CCBE1: variants seen among roughly 807,000 people sequenced by gnomAD.
The protein encoded by CCBE1 is collagen and calcium-binding EGF domain-containing protein 1.
A neutral mutation model predicts 50.0 loss-of-function variants in CCBE1; 37 were observed. The ratio of observed to expected loss-of-function variants is 0.74; its 90% CI spans 0.57 to 0.97. CCBE1 has a LOEUF of 0.97. CCBE1 is among the 50% of genes least tolerant of loss of function. The pLI is 0.00. For synonymous variants in CCBE1, 234 were observed against 203.7 expected (o/e 1.15, Z -1.27); for missense variants, 538 against 523.8 (o/e 1.03, Z -0.26).
At chr18:59,530,924 A>G (rs1317791509) in intron 2 of CCBE1, among the ~76,000 whole-genome samples, 1 of 152,178 alleles carries the variant, frequency 6.6e-6, no homozygotes, top group East Asian at 1.9e-4. Flanking sequence ...TAAATTATTT[A>G]TGATGTTTTT....
intron 2 of CCBE1, among the ~76,000 whole-genome samples, chr18:59,502,381 C>T (rs900832711): frequency 2.0e-5 from 3 of 152,144 alleles, no homozygotes; most frequent in African/African-American, 4.8e-5. Flanking sequence ...TGTGTGTCAT[C>T]CTCTGATTTG....
intron 2 of CCBE1, among the ~76,000 whole-genome samples, chr18:59,650,223 C>T (rs1599100904): frequency 6.6e-6 from 1 of 151,866 alleles, no homozygotes; most frequent in Non-Finnish European, 1.5e-5. Flanking sequence ...AATAAATAAA[C>T]AGATATACAG....
chr18:59,597,335 C>T lies in CCBE1; in HGVS notation c.212+99294G>A, dbSNP rs117633101. On this transcript the variant is annotated intron_variant, in intron 2 of 10. Transcript: ENST00000439986. The stretch of plus-strand genomic sequence containing the variant: ...TCCACTGATATTAGGTATTAGTCAA[C>T]GTAATGCGGAGTCAGGAAAGGAACA... Among the ~76,000 whole-genome samples the T allele has an allele frequency of 2.2e-3, 332 of 152,268 alleles. 6 individuals carry two copies. In the East Asian group the frequency reaches 0.032, roughly 15 times the overall value.
chr18:59,460,656 G>A (rs1359904582), intron 5 of CCBE1, among the ~76,000 whole-genome samples: 2 of 152,226 alleles, frequency 1.3e-5, no homozygotes, highest in East Asian at 1.9e-4. Context: ...CGTGGGCCAG[G>A]AGCTGTGGCT....
At chr18:59,527,819 T>G (rs906995746) in intron 2 of CCBE1, among the ~76,000 whole-genome samples, 1 of 152,240 alleles carries the variant, frequency 6.6e-6, no homozygotes, top group Non-Finnish European at 1.5e-5. Context: ...TAATCTCTTC[T>G]GGCTTGTAGG....
intron 2 of CCBE1, among the ~76,000 whole-genome samples, chr18:59,655,834 C>T (rs1002428673): frequency 1.3e-5 from 2 of 152,204 alleles, no homozygotes; most frequent in African/African-American, 4.8e-5. Context: ...GACTTTCACT[C>T]CCCCATCAGA....
At chr18:59,522,523 C>T (rs952823898) in intron 2 of CCBE1, among the ~76,000 whole-genome samples, 2 of 152,156 alleles carry the variant, frequency 1.3e-5, no homozygotes, top group Non-Finnish European at 2.9e-5. Flanking sequence ...TGACTGGGAT[C>T]ATAGTGGTGG....
intron 2 of CCBE1, among the ~76,000 whole-genome samples, chr18:59,496,429 G>GT (rs1913359293): frequency 6.6e-6 from 1 of 152,086 alleles, no homozygotes; most frequent in South Asian, 2.1e-4. Context: ...TTTTCTCTTT[G>GT]TATCTTCTCC....
chr18:59,583,673 G>A (rs1000341252), intron 2 of CCBE1, among the ~76,000 whole-genome samples: 1 of 88,870 alleles, frequency 1.1e-5, no homozygotes, highest in East Asian at 9.3e-4. Context: ...GTGTGTGTGT[G>A]TGTGTGTGCG....
intron 2 of CCBE1, among the ~76,000 whole-genome samples, chr18:59,575,939 T>C (rs1479280710): frequency 1.3e-5 from 2 of 152,194 alleles, no homozygotes; most frequent in Non-Finnish European, 2.9e-5. Flanking sequence ...ATCCCACATG[T>C]CCCTTTAGTT....
chr18:59,523,216 G>A (rs1182575931), intron 2 of CCBE1, among the ~76,000 whole-genome samples: 7 of 151,656 alleles, frequency 4.6e-5, no homozygotes, highest in Non-Finnish European at 1.0e-4. Flanking sequence ...GAAGAGGGGT[G>A]TATTGAGACT....
chr18:59,456,458 T>A (rs1204723742), intron 5 of CCBE1, among the ~76,000 whole-genome samples: 4 of 152,120 alleles, frequency 2.6e-5, no homozygotes, highest in Non-Finnish European at 5.9e-5. Flanking sequence ...AAGAATGCTA[T>A]GTGAAGATGA....
At chr18:59,648,433 T>C (rs2054084090) in intron 2 of CCBE1, among the ~76,000 whole-genome samples, 1 of 152,116 alleles carries the variant, frequency 6.6e-6, no homozygotes, top group Non-Finnish European at 1.5e-5. Flanking sequence ...CAGCCAGGCA[T>C]GGGGGCTCAC....
chr18:59,444,662 C>T (rs1910594873), intron 7 of CCBE1, among the ~76,000 whole-genome samples: 1 of 151,968 alleles, frequency 6.6e-6, no homozygotes, highest in Non-Finnish European at 1.5e-5. Context: ...GGACTATAGC[C>T]TGGCTAGTTT....
chr18:59,601,058 G>A (rs2053425145), intron 2 of CCBE1, among the ~76,000 whole-genome samples: 1 of 110,448 alleles, frequency 9.1e-6, no homozygotes, highest in Non-Finnish European at 1.7e-5. Flanking sequence ...GTAAGACAGG[G>A]TCTCACTCTG....
chr18:59,476,311 G>C (rs1268627030), intron 3 of CCBE1, among the ~76,000 whole-genome samples: 1 of 152,154 alleles, frequency 6.6e-6, no homozygotes, highest in African/African-American at 2.4e-5. Context: ...TGACTGCTCA[G>C]CTACCTGGCA....
chr18:59,471,911 G>A (rs913688775), intron 3 of CCBE1, among the ~76,000 whole-genome samples: 3 of 152,254 alleles, frequency 2.0e-5, no homozygotes, highest in Non-Finnish European at 4.4e-5. Flanking sequence ...ATGGTGGCAT[G>A]TGCCACCTCC....
At chr18:59,596,811 A>G (rs989382101) in intron 2 of CCBE1, among the ~76,000 whole-genome samples, 9 of 152,232 alleles carry the variant, frequency 5.9e-5, no homozygotes, top group Non-Finnish European at 1.2e-4. Context: ...GGGGCTAATG[A>G]GCATCACGTC....
chr18:59,537,692 C>T (rs58649973), intron 2 of CCBE1, among the ~76,000 whole-genome samples: 1 of 152,120 alleles, frequency 6.6e-6, no homozygotes, highest in Non-Finnish European at 1.5e-5. Context: ...CTTACTTCAG[C>T]AAGTATATAA....
Sources: gnomAD v4.1 joint callset for allele counts (sites outside exome capture counted in the v4.1 genomes callset) on GRCh38, gnomAD v4.1.1 for gene constraint, MANE v1.5 for transcripts, NCBI Gene and HGNC (gene_info 2026-07-23, HGNC 2026-07-21) for gene names.